ATAD2B: variants seen among roughly 807,000 people sequenced by gnomAD.
ATAD2B encodes the protein ATPase family AAA domain containing 2B.
Under a neutral mutation model 167.6 loss-of-function variants are expected in ATAD2B, and 40 were observed. The observed-to-expected ratio is 0.24, with a 90% CI of 0.19 to 0.31. The LOEUF is 0.31. Among genes scored for constraint, ATAD2B ranks in the 10% least tolerant of loss-of-function variants. The pLI is 1.00. For missense variants in ATAD2B, 1,242 were observed against 1,757.2 expected (o/e 0.71, Z 5.24); for synonymous variants, 579 against 596.5 (o/e 0.97, Z 0.43).
At chr2:23,833,853 T>A (rs1689459523) in intron 14 of ATAD2B, 66 bp downstream of exon 14, 3 of 1,244,970 alleles carry the variant, frequency 2.4e-6, no homozygotes, top group Non-Finnish European at 3.3e-6. Flanking sequence ...AATATCACCC[T>A]CAGAACATAT....
chr2:23,691,104 G>A, the ATAD2B span: 1 of 156,034 alleles, frequency 6.4e-6, no homozygotes, highest in African/African-American at 2.4e-5. Flanking sequence ...ATGTCACGAA[G>A]GGCTTCCTTT....
chr2:23,914,976 C>T (rs1364702293), intron 1 of ATAD2B, among the ~76,000 whole-genome samples: 1 of 152,098 alleles, frequency 6.6e-6, no homozygotes, highest in Admixed American at 6.5e-5. Context: ...GAAATTCCCA[C>T]ACCAAGTCTA....
rs145054672 is a variant in ATAD2B at position 23,837,262 on chromosome 2, G to A, written c.1569-3184C>T. 6.1e-3 allele frequency among the ~76,000 whole-genome samples: 936 copies of A among 152,304 alleles called. 2 individuals are homozygous for A. Among genetic ancestry groups the A allele is most frequent in the Non-Finnish European group, 9.7e-3 (657 of 68,014 alleles). ...TTGGCCCCAATCTTGCTCCAAGATC[G>A]GAGCAGGCGCAGGAGTGGGGAGAGG... On this transcript the variant is annotated intron_variant, in intron 13 of 27. Transcript: ENST00000238789.
At chr2:23,740,453 CAT>C in the ATAD2B span, among the ~76,000 whole-genome samples, 5,339 of 151,854 alleles carry the variant, frequency 0.035, 585 homozygotes, top group East Asian at 0.25. Context: ...ACAAAAACCA[CAT>C]GATTATCTCA....
the ATAD2B span, among the ~76,000 whole-genome samples, chr2:23,741,927 TA>T: frequency 2.6e-5 from 4 of 152,290 alleles, no homozygotes; most frequent in East Asian, 5.8e-4. Flanking sequence ...AGAAGACATT[TA>T]TGCAGCCAAA....
chr2:23,737,092 G>A, the ATAD2B span, among the ~76,000 whole-genome samples: 1 of 152,246 alleles, frequency 6.6e-6, no homozygotes, highest in East Asian at 1.9e-4. Context: ...AAGGAGGCCT[G>A]CCTGCCTCTG....
Position 23,818,109 on chromosome 2 carries a change from ACACACACACAC to A in ATAD2B, c.2267+1627_2267+1637del, listed in dbSNP as rs1558590769. Among the ~76,000 whole-genome samples the A allele has an allele frequency of 9.2e-5, 12 of 130,106 alleles. No homozygotes were observed. In the East Asian group the frequency reaches 2.3e-3, roughly 25 times the overall value. The allele number at this position is 130,106 out of a possible 152,430, so 85.4% of individuals were successfully genotyped here. A position where few individuals can be genotyped will look rare whatever the true frequency, so the allele number is the denominator to read the frequency against. On this transcript the variant is annotated intron_variant, in intron 17 of 27. Coordinates refer to ENST00000238789, the MANE Select transcript of ATAD2B (RefSeq NM_017552.4). ...ACACACACACATTACACACACACAC[ACACACACACAC>A]ATTACACACACACACACACACAGAG...
intron 2 of ATAD2B, among the ~76,000 whole-genome samples, chr2:23,889,717 C>T (rs1194407465): frequency 2.6e-5 from 4 of 151,626 alleles, no homozygotes; most frequent in East Asian, 3.9e-4. Flanking sequence ...GTCAGGAGTT[C>T]GAGACCAGCC....
the ATAD2B span, among the ~76,000 whole-genome samples, chr2:23,742,783 C>A: frequency 1.7e-4 from 26 of 150,764 alleles, no homozygotes; most frequent in East Asian, 4.7e-3. Flanking sequence ...AAACTAAATA[C>A]CAAAGTAAAA....
chr2:23,923,500 A>G (rs2150715773), intron 1 of ATAD2B, among the ~76,000 whole-genome samples: 1 of 152,268 alleles, frequency 6.6e-6, no homozygotes, highest in South Asian at 2.1e-4. Flanking sequence ...CACAAAAATA[A>G]TACTAATAAT....
chr2:23,725,572 T>G, the ATAD2B span, among the ~76,000 whole-genome samples: 4 of 152,164 alleles, frequency 2.6e-5, no homozygotes, highest in African/African-American at 9.7e-5. Context: ...TAACTTTAGG[T>G]ACATTGTGAA....
chr2:23,845,472 T>C (rs897878799), intron 13 of ATAD2B, among the ~76,000 whole-genome samples: 1 of 150,118 alleles, frequency 6.7e-6, no homozygotes, highest in African/African-American at 2.5e-5. Context: ...ATGATTTTAA[T>C]AATACAAAAT....
chr2:23,794,157 G>A (rs1189497121), intron 19 of ATAD2B, among the ~76,000 whole-genome samples: 2 of 152,064 alleles, frequency 1.3e-5, no homozygotes, highest in Non-Finnish European at 2.9e-5. Context: ...CTACAGGCAC[G>A]CGCCATCATA....
chr2:23,871,335 G>A (rs1165565133), intron 8 of ATAD2B, among the ~76,000 whole-genome samples: 2 of 151,424 alleles, frequency 1.3e-5, no homozygotes, highest in Non-Finnish European at 2.9e-5. Flanking sequence ...TTGTTACCGC[G>A]TGAACTGCTC....
rs375324464 is a variant in ATAD2B, at chr2:23,757,462, G to A, written c.4034C>T (p.Pro1345Leu). The A allele has an allele frequency of 4.0e-5, 61 of 1,523,448 alleles. No homozygotes were observed. Among genetic ancestry groups the A allele is most frequent in the Non-Finnish European group, 5.3e-5 (60 of 1,141,668 alleles). The allele number at this position is 1,523,448 out of a possible 1,614,324, so 94.4% of individuals were successfully genotyped here. A position where few individuals can be genotyped will look rare whatever the true frequency, so the allele number is the denominator to read the frequency against. Residue 1345 changes from proline to leucine, a missense_variant, in exon 25 of 28, where the codon CCT (proline) becomes CTT (leucine). Transcript: ENST00000238789. ...LECSNNEKLEPGSDVEVKDAE... is the reference protein window; with the variant it reads ...LECSNNEKLELGSDVEVKDAE... ...ATCTTTAACCTCCACATCAGAGCCA[G>A]GTTCTAACTTCTCATTATTGCTACA... is the stretch of plus-strand genomic sequence containing the variant.
At chr2:23,812,020 TA>T (rs1255773106) in intron 17 of ATAD2B, among the ~76,000 whole-genome samples, 3 of 151,948 alleles carry the variant, frequency 2.0e-5, no homozygotes, top group African/African-American at 7.3e-5. Context: ...ACAGCACCAT[TA>T]AAATAACAAA....
At chr2:23,833,447 G>A (rs1233021219) in intron 14 of ATAD2B, among the ~76,000 whole-genome samples, 1 of 151,950 alleles carries the variant, frequency 6.6e-6, no homozygotes, top group East Asian at 1.9e-4. Context: ...ACATTACCCT[G>A]TATTATTAGT....
chr2:23,769,397 G>A (rs1304478056), intron 22 of ATAD2B, among the ~76,000 whole-genome samples: 9 of 151,884 alleles, frequency 5.9e-5, no homozygotes, highest in East Asian at 1.9e-4. Context: ...CCGAGACAGC[G>A]CCACTGCACT....
At chr2:23,860,932 T>C (rs998097924) in intron 12 of ATAD2B, among the ~76,000 whole-genome samples, 5 of 151,994 alleles carry the variant, frequency 3.3e-5, no homozygotes, top group African/African-American at 7.3e-5. Flanking sequence ...GATCACGCCA[T>C]TGCACTCCAG....
Sources: allele counts gnomAD v4.1 joint callset (sites outside exome capture counted in the v4.1 genomes callset), GRCh38; gene constraint gnomAD v4.1.1; transcripts MANE v1.5; gene names NCBI Gene and HGNC (gene_info 2026-07-23, HGNC 2026-07-21).